VSNL1: variants seen among roughly 807,000 people sequenced by gnomAD.
The protein encoded by VSNL1 is visinin-like protein 1.
A neutral mutation model predicts 20.4 loss-of-function variants in VSNL1; 6 were observed. The ratio of observed to expected loss-of-function variants is 0.29; its 90% CI spans 0.16 to 0.58. The LOEUF is 0.58. Among genes scored for constraint, VSNL1 ranks in the 20% least tolerant of loss-of-function variants. The pLI, the probability that VSNL1 is intolerant of heterozygous loss-of-function variation, is 0.90. For missense variants in VSNL1, 100 were observed against 234.5 expected (o/e 0.43, Z 3.75); for synonymous variants, 93 against 86.4 (o/e 1.08, Z -0.42).
At chr2:17,593,699 G>C (rs1572353342) in intron 2 of VSNL1, among the ~76,000 whole-genome samples, 1 of 152,188 alleles carries the variant, frequency 6.6e-6, no homozygotes, top group Non-Finnish European at 1.5e-5. Context: ...GAAGATCTGG[G>C]TAATCAATTA....
At chr2:17,568,843 A>C (rs1443518693) in intron 1 of VSNL1, among the ~76,000 whole-genome samples, 1 of 152,114 alleles carries the variant, frequency 6.6e-6, no homozygotes, top group Non-Finnish European at 1.5e-5. Flanking sequence ...TGGGTATATA[A>C]TTATTAGTTG....
intron 1 of VSNL1, among the ~76,000 whole-genome samples, chr2:17,584,170 CT>C (rs1363649014): frequency 6.6e-6 from 1 of 152,242 alleles, no homozygotes; most frequent in East Asian, 1.9e-4. Flanking sequence ...CCAGCACACA[CT>C]TTTTTTCCCT....
At chr2:17,616,886 C>T (rs1665229744) in intron 2 of VSNL1, among the ~76,000 whole-genome samples, 1 of 152,212 alleles carries the variant, frequency 6.6e-6, no homozygotes, top group Admixed American at 6.5e-5. Flanking sequence ...GTCATCCATT[C>T]TCCCTTTACT....
intron 2 of VSNL1, among the ~76,000 whole-genome samples, chr2:17,641,423 C>T (rs986967950): frequency 1.4e-4 from 21 of 152,178 alleles, no homozygotes; most frequent in Non-Finnish European, 2.4e-4. Flanking sequence ...AGCAGACTGG[C>T]TCTAAATGGA....
chr2:17,590,483 C>G (rs2103374617), intron 1 of VSNL1, among the ~76,000 whole-genome samples: 1 of 152,186 alleles, frequency 6.6e-6, no homozygotes, highest in Admixed American at 6.5e-5. Context: ...AGAGAAGCCC[C>G]ATGACAAAGG....
Position 17,627,344 on chromosome 2 carries a change from C to T in VSNL1, c.163-22066C>T, listed in dbSNP as rs1016575937. Among the ~76,000 whole-genome samples, 4 of 152,334 alleles carry T rather than the reference C, an allele frequency of 2.6e-5. No individual in the cohort carries two copies. The South Asian group carries it at 8.3e-4, about 32-fold the overall frequency. On this transcript the variant is annotated intron_variant, in intron 2 of 3. Coordinates refer to ENST00000295156, the MANE Select transcript of VSNL1 (RefSeq NM_003385.5). Reference sequence around the variant, plus strand: ...ATGACCTTTTCACCTTGGTAGTTTGCCCAATCTGTAACCGCCCAAGGGGTT... The same window carrying T: ...ATGACCTTTTCACCTTGGTAGTTTGTCCAATCTGTAACCGCCCAAGGGGTT...
At chr2:17,572,694 C>T (rs144357570) in intron 1 of VSNL1, among the ~76,000 whole-genome samples, 4 of 152,308 alleles carry the variant, frequency 2.6e-5, no homozygotes, top group Admixed American at 1.3e-4. Context: ...AAATCTAACT[C>T]TGTCTCACCC....
chr2:17,590,503 C>G (rs989563958), intron 1 of VSNL1, among the ~76,000 whole-genome samples: 1 of 152,106 alleles, frequency 6.6e-6, no homozygotes, highest in South Asian at 2.1e-4. Context: ...GGAAGAGTTG[C>G]TGATACTGGG....
chr2:17,587,077 C>T (rs752418951), intron 1 of VSNL1, among the ~76,000 whole-genome samples: 2 of 152,196 alleles, frequency 1.3e-5, no homozygotes, highest in Non-Finnish European at 2.9e-5. Context: ...CCCTAAAGCC[C>T]TTTCTTCCTT....
At position 17,655,454 on chromosome 2, in the gene VSNL1, T is replaced by TACACACAC. The variant is rs1558314361; in HGVS notation, c.*60_*61insACACACAC. 7.8e-6 allele frequency: 6 copies of TACACACAC among 765,182 alleles called. No individual in the cohort carries two copies. Among genetic ancestry groups the TACACACAC allele is most frequent in the South Asian group, 1.7e-5 (1 of 59,966 alleles). The allele number at this position is 765,182 out of a possible 1,614,324, so 47.4% of individuals were successfully genotyped here. ...CAATGTTCCATTCAGTCTGCAGCTA[T>TACACACAC]TCACACACACACACACACACACACA... is the stretch of plus-strand genomic sequence containing the variant. On this transcript the variant is annotated 3_prime_UTR_variant, in exon 4 of 4. Transcript: ENST00000295156. This position sits in a 1 kb window ranked among gnomAD's most constrained non-coding sequence, Gnocchi z 5.2.
chr2:17,631,877 T>TTTG (rs372839819), intron 2 of VSNL1, among the ~76,000 whole-genome samples: 60 of 151,844 alleles, frequency 4.0e-4, no homozygotes, highest in African/African-American at 9.4e-4. Flanking sequence ...GAAGGTAAGG[T>TTTG]TTGTTGTTGT....
rs1485050676 is a variant in VSNL1 at position 17,638,211 on chromosome 2, T to C, written c.163-11199T>C. Among the ~76,000 whole-genome samples the C allele has an allele frequency of 5.9e-5, 9 of 152,190 alleles. No individual in the cohort carries two copies. In the East Asian group the frequency reaches 1.7e-3, roughly 29 times the overall value. The stretch of plus-strand genomic sequence containing the variant: ...AACTAAGTATGTGACCCTGGGCAGG[T>C]TACATAATATCCATATGCCTCTGTG... On this transcript the variant is annotated intron_variant, in intron 2 of 3. Transcript: ENST00000295156.
chr2:17,576,050 A>G (rs1336931751), intron 1 of VSNL1, among the ~76,000 whole-genome samples: 2 of 152,120 alleles, frequency 1.3e-5, no homozygotes, highest in East Asian at 3.8e-4. Context: ...GAAATAAGCC[A>G]TTTCTTTTTC....
intron 1 of VSNL1, among the ~76,000 whole-genome samples, chr2:17,553,284 T>A (rs1663591300): frequency 6.6e-6 from 1 of 152,210 alleles, no homozygotes; most frequent in African/African-American, 2.4e-5. Flanking sequence ...CACTGACATG[T>A]TTATAGTTCT....
intron 2 of VSNL1, among the ~76,000 whole-genome samples, chr2:17,629,038 T>A (rs992569024): frequency 4.6e-5 from 7 of 152,220 alleles, no homozygotes; most frequent in Admixed American, 1.3e-4. Context: ...AGGCAAAGCT[T>A]CAGAAGCCCA....
At chr2:17,574,956 C>T (rs1367355724) in intron 1 of VSNL1, among the ~76,000 whole-genome samples, 1 of 152,012 alleles carries the variant, frequency 6.6e-6, no homozygotes. Context: ...GCTTTCTTAC[C>T]CTTCTTTCCT....
chr2:17,593,880 C>G (rs1664651755), intron 2 of VSNL1, among the ~76,000 whole-genome samples: 1 of 152,142 alleles, frequency 6.6e-6, no homozygotes, highest in South Asian at 2.1e-4. Context: ...GGGGCTAGTC[C>G]ATGCCTTGGA....
At chr2:17,568,204 T>C (rs1272250007) in intron 1 of VSNL1, among the ~76,000 whole-genome samples, 1 of 152,218 alleles carries the variant, frequency 6.6e-6, no homozygotes, top group Admixed American at 6.5e-5. Flanking sequence ...GAAGTTATAA[T>C]TACCACTGTT....
At chr2:17,584,474 C>G (rs751136576) in intron 1 of VSNL1, among the ~76,000 whole-genome samples, 1 of 152,158 alleles carries the variant, frequency 6.6e-6, no homozygotes, top group African/African-American at 2.4e-5. Context: ...CCCTGGACAT[C>G]TGGCCCCCAA....
Sources: gnomAD v4.1 joint callset for allele counts (sites outside exome capture counted in the v4.1 genomes callset) on GRCh38, gnomAD v4.1.1 for gene constraint, Gnocchi (gnomAD v3.1) non-coding constraint, MANE v1.5 for transcripts, NCBI Gene and HGNC (gene_info 2026-07-23, HGNC 2026-07-21) for gene names.